The following SYCP1 variants were observed in gnomAD, a reference collection of about 807,000 sequenced individuals.
SYCP1 encodes synaptonemal complex protein 1.
A neutral mutation model predicts 153.1 loss-of-function variants in SYCP1; 64 were observed. The ratio of observed to expected loss-of-function variants is 0.42; its 90% confidence interval spans 0.34 to 0.51. The LOEUF (loss-of-function observed/expected upper bound fraction) is 0.51. Ranked by LOEUF, SYCP1 falls within the 20% of genes least tolerant of loss-of-function variation. The pLI is 0.06. For missense variants in SYCP1, 997 were observed against 1,049.0 expected, an observed-to-expected ratio of 0.95 and a Z score of 0.68; for synonymous variants, 384 against 341.8, an observed-to-expected ratio of 1.12 and a Z score of -1.36.
intron 16 of SYCP1, among the ~76,000 whole-genome samples, chr1:114,896,010 G>GTC (rs1399358362): frequency 3.9e-5 from 6 of 152,064 alleles, no homozygotes; most frequent in African/African-American, 1.4e-4. Flanking sequence ...GCCATACATG[G>GTC]TCTCTCTTTT....
chr1:114,878,701 G>A (rs911343976), intron 12 of SYCP1, among the ~76,000 whole-genome samples: 3 of 152,040 alleles, frequency 2.0e-5, no homozygotes, highest in African/African-American at 2.4e-5. Flanking sequence ...GTACCACCAC[G>A]CCTGGCTAAT....
At chr1:114,857,385 G>A in intron 4 of SYCP1, 59 bp from the exon 5 acceptor site, 1 of 1,531,500 alleles carries the variant, frequency 6.5e-7, no homozygotes, top group East Asian at 2.3e-5. Context: ...GTATTTAATT[G>A]TTATTATTTA....
intron 27 of SYCP1, among the ~76,000 whole-genome samples, chr1:114,950,643 A>G (rs531240828): frequency 4.0e-4 from 61 of 151,998 alleles, no homozygotes; most frequent in Non-Finnish European, 5.7e-4. Context: ...TGTCTATACT[A>G]TTGTTACTTT....
At chr1:114,993,465 C>T (rs1477328821) in intron 30 of SYCP1, among the ~76,000 whole-genome samples, 2 of 151,430 alleles carry the variant, frequency 1.3e-5, no homozygotes, top group African/African-American at 4.8e-5. Context: ...TTTGAATTTC[C>T]TTCCACCTCT....
At chr1:114,924,420 A>T (rs944682587) in intron 21 of SYCP1, among the ~76,000 whole-genome samples, 1 of 152,132 alleles carries the variant, frequency 6.6e-6, no homozygotes, top group East Asian at 1.9e-4. Context: ...TTCTTGCAAG[A>T]AAGGGTGCTG....
intron 27 of SYCP1, among the ~76,000 whole-genome samples, chr1:114,964,271 T>C (rs949643666): frequency 6.6e-6 from 1 of 152,236 alleles, no homozygotes; most frequent in Non-Finnish European, 1.5e-5. Context: ...TTCTGGATAC[T>C]AGTCTTTTGT....
intron 28 of SYCP1, among the ~76,000 whole-genome samples, chr1:114,978,017 G>A (rs1205856293): frequency 2.0e-5 from 3 of 151,166 alleles, no homozygotes; most frequent in Admixed American, 6.6e-5. Context: ...GGTTTTGAGG[G>A]GGCTTAATAA....
chr1:114,923,308 T>TA, intron 20 of SYCP1, 141 bp from the exon 21 acceptor site: 1 of 825,448 alleles, frequency 1.2e-6, no homozygotes, highest in South Asian at 2.0e-5. Flanking sequence ...TGTTTGTACT[T>TA]ATATTATGAA....
intron 8 of SYCP1, among the ~76,000 whole-genome samples, chr1:114,866,588 G>A (rs994893905): frequency 2.6e-5 from 4 of 152,162 alleles, no homozygotes; most frequent in African/African-American, 7.2e-5. Context: ...ACAATTTTGA[G>A]TCTTTGTATA....
chr1:114,938,649 C>T (rs2101797597), intron 23 of SYCP1, among the ~76,000 whole-genome samples: 1 of 152,036 alleles, frequency 6.6e-6, no homozygotes, highest in East Asian at 1.9e-4. Flanking sequence ...CTTCAATATT[C>T]TGGAACCATT....
At chr1:114,960,040 A>G (rs1413359580) in intron 27 of SYCP1, among the ~76,000 whole-genome samples, 1 of 152,124 alleles carries the variant, frequency 6.6e-6, no homozygotes, top group Non-Finnish European at 1.5e-5. Context: ...GAACAGTGTT[A>G]CAGTAAACAT....
At chr1:114,983,352 T>C (rs1441950124) in intron 29 of SYCP1, among the ~76,000 whole-genome samples, 2 of 152,028 alleles carry the variant, frequency 1.3e-5, no homozygotes, top group Non-Finnish European at 1.5e-5. Context: ...TCATCACTGC[T>C]TCACGTTGCT....
At chr1:114,985,716 A>C (rs1673453307) in intron 30 of SYCP1, among the ~76,000 whole-genome samples, 1 of 151,846 alleles carries the variant, frequency 6.6e-6, no homozygotes, top group Non-Finnish European at 1.5e-5. Flanking sequence ...CTACTTCAGA[A>C]CCCCTTTGTT....
At chr1:114,865,961 A>C (rs1664716206) in intron 8 of SYCP1, among the ~76,000 whole-genome samples, 1 of 152,114 alleles carries the variant, frequency 6.6e-6, no homozygotes, top group Non-Finnish European at 1.5e-5. Context: ...GGCTTCTTTC[A>C]CTTAGTAATA....
chr1:114,977,533 G>A (rs1162156210), intron 27 of SYCP1, 24 bp from the exon 28 acceptor site: 1 of 1,309,294 alleles, frequency 7.6e-7, no homozygotes, highest in African/African-American at 1.5e-5. Flanking sequence ...TATGTTACTT[G>A]TACTTGATAT....
chr1:114,923,444 T>C lies in SYCP1; in HGVS notation c.1719-5T>C, dbSNP rs1459431906. 1 of 1,569,068 alleles carries C rather than the reference T, an allele frequency of 6.4e-7. No homozygotes were observed. The highest frequency in any genetic ancestry group is 1.4e-5 in the African/African-American group (1 of 73,160). On this transcript the variant is annotated splice_region_variant and splice_polypyrimidine_tract_variant and intron_variant, in intron 20 of 31. Coordinates refer to ENST00000369522, the MANE Select transcript of SYCP1 (RefSeq NM_003176.4). ...GTATAATGTCACTCTTCCATTTTCT[T>C]TTAGAAATGAACTAGAATATGTGAG... is the stretch of plus-strand genomic sequence containing the variant.
intron 8 of SYCP1, among the ~76,000 whole-genome samples, chr1:114,873,530 C>T (rs1479887155): frequency 6.6e-6 from 1 of 152,144 alleles, no homozygotes; most frequent in East Asian, 1.9e-4. Context: ...TGGGTATTTC[C>T]CTTCCCCCAG....
chr1:114,892,847 G>A (rs557557950), intron 15 of SYCP1, among the ~76,000 whole-genome samples: 153 of 152,058 alleles, frequency 1.0e-3, no homozygotes, highest in African/African-American at 3.6e-3. Context: ...AGATGCGGGG[G>A]TTTTTGGGCC....
intron 16 of SYCP1, among the ~76,000 whole-genome samples, chr1:114,903,903 T>C (rs553004233): frequency 1.3e-5 from 2 of 152,314 alleles, no homozygotes; most frequent in East Asian, 3.9e-4. Flanking sequence ...TGGCCATGTT[T>C]GTATGGGTCT....
Sources: gnomAD v4.1 joint callset for allele counts (sites outside exome capture counted in the v4.1 genomes callset) on GRCh38, gnomAD v4.1.1 for gene constraint, MANE v1.5 for transcripts, NCBI Gene and HGNC (gene_info 2026-07-23, HGNC 2026-07-21) for gene names.